The following STIM1 variants were observed in gnomAD, a reference collection of about 807,000 sequenced individuals.
The protein encoded by STIM1 is stromal interaction molecule 1.
A neutral mutation model predicts 74.7 loss-of-function variants in STIM1; 25 were observed. That is an observed-to-expected ratio of 0.33 (90% CI 0.24 to 0.47). STIM1 has a LOEUF of 0.47. Ranked by LOEUF, STIM1 falls within the 20% of genes least tolerant of loss-of-function variation. STIM1 has a pLI of 1.00. For synonymous variants in STIM1, 328 were observed against 348.8 expected (o/e 0.94, Z 0.66); for missense variants, 728 against 920.8 (o/e 0.79, Z 2.71).
rs376605901 is a variant in STIM1, at chr11:4,051,473, G to T, written c.386-4053G>T. On this transcript the variant is annotated intron_variant, in intron 3 of 12. Coordinates refer to ENST00000526596, the MANE Select transcript of STIM1 (RefSeq NM_001382567.1). ...TTTTCCTGCCTCAGCCTCCCGAGTA[G>T]CTGGGACTACAGGCATGCACCACCA... is the stretch of plus-strand genomic sequence containing the variant. Among the ~76,000 whole-genome samples, 4 of 151,796 alleles carry T rather than the reference G, an allele frequency of 2.6e-5. No homozygotes were observed. The East Asian group carries it at 5.8e-4, about 22-fold the overall frequency.
intron 3 of STIM1, among the ~76,000 whole-genome samples, chr11:4,040,092 A>G (rs2094136869): frequency 6.6e-6 from 1 of 151,906 alleles, no homozygotes; most frequent in South Asian, 2.1e-4. Flanking sequence ...ATATCTTGAG[A>G]GTTTATTTAT....
upstream of STIM1, chr11:3,855,520 G>A (rs1239310315): frequency 6.6e-6 from 1 of 151,870 alleles, no homozygotes; most frequent in Non-Finnish European, 1.5e-5. Flanking sequence ...GGATTCCGGG[G>A]AGCCGTCTTC....
intron 3 of STIM1, among the ~76,000 whole-genome samples, chr11:4,045,080 G>C (rs2094179754): frequency 1.3e-5 from 2 of 152,126 alleles, no homozygotes; most frequent in African/African-American, 2.4e-5. Flanking sequence ...TGATAGAGGA[G>C]TTTCTGCATG....
At chr11:3,892,355 TG>T in intron 1 of STIM1, 1 of 1,200,010 alleles carries the variant, frequency 8.3e-7, no homozygotes, top group Non-Finnish European at 1.2e-6. Context: ...ACAGAAGGAA[TG>T]GTCTGGTGGC....
chr11:3,993,215 T>C (rs2093631813), intron 2 of STIM1, among the ~76,000 whole-genome samples: 1 of 152,098 alleles, frequency 6.6e-6, no homozygotes, highest in African/African-American at 2.4e-5. Context: ...TGACTTATAT[T>C]CCCCTTGTCA....
At chr11:3,937,936 C>CTTT (rs879661667) in intron 1 of STIM1, among the ~76,000 whole-genome samples, 1 of 138,828 alleles carries the variant, frequency 7.2e-6, no homozygotes. Context: ...TAGAGAAATT[C>CTTT]TTTTTTTTTT....
rs192056894 is a variant in STIM1 at position 3,857,185 on chromosome 11, A to G, written c.139+776A>G. 2.3e-5 allele frequency among the ~76,000 whole-genome samples: 3 copies of G among 132,498 alleles called. No individual in the cohort carries two copies. The East Asian group carries it at 7.1e-4, about 31-fold the overall frequency. 86.9% of individuals were successfully genotyped at this position (132,498 alleles called of 152,430 possible). A position where few individuals can be genotyped will look rare whatever the true frequency, so the allele number is the denominator to read the frequency against. Reference sequence around the variant, plus strand: ...TGATCTGTCATGGTTTTTCCTATGCAGTTGTGAAGGCTTATCAGGCAGCAG... The same window carrying G: ...TGATCTGTCATGGTTTTTCCTATGCGGTTGTGAAGGCTTATCAGGCAGCAG... On this transcript the variant is annotated intron_variant, in intron 1 of 12. Coordinates refer to ENST00000526596, the MANE Select transcript of STIM1 (RefSeq NM_001382567.1).
At chr11:3,955,863 G>A (rs952244330) in intron 1 of STIM1, among the ~76,000 whole-genome samples, 18 of 151,486 alleles carry the variant, frequency 1.2e-4, no homozygotes, top group African/African-American at 4.4e-4. Flanking sequence ...GTGTAAAGAA[G>A]GATCATAAAA....
At chr11:3,968,358 TTGGTGAAGCTACCAAGTTA>T (rs1430990321) in intron 2 of STIM1, among the ~76,000 whole-genome samples, 2 of 152,222 alleles carry the variant, frequency 1.3e-5, no homozygotes, top group African/African-American at 2.4e-5. Context: ...TACCAGTAGT[TTGGTGAAGCTACCAAGTTA>T]TGCCAAATCT....
At chr11:4,081,625 A>G (rs1304590879) in intron 7 of STIM1, among the ~76,000 whole-genome samples, 1 of 152,342 alleles carries the variant, frequency 6.6e-6, no homozygotes, top group East Asian at 1.9e-4. Flanking sequence ...CAGGGAACTC[A>G]TTCTCTCCTG....
intron 1 of STIM1, among the ~76,000 whole-genome samples, chr11:3,933,163 G>T (rs1179447349): frequency 6.6e-6 from 1 of 152,156 alleles, no homozygotes; most frequent in Non-Finnish European, 1.5e-5. Flanking sequence ...AGTCTTAGCG[G>T]CTGGCTATCT....
At chr11:3,967,805 A>T in intron 2 of STIM1, 123 bp downstream of exon 2, 7 of 1,417,524 alleles carry the variant, frequency 4.9e-6, no homozygotes, top group Middle Eastern at 1.9e-4. Context: ...TTAGGAACTC[A>T]TCCCTATCAG....
chr11:4,091,967 ATTAT>A lies in STIM1; in HGVS notation c.*175_*178del, dbSNP rs1357458370. 6 of 919,250 alleles carry A rather than the reference ATTAT, an allele frequency of 6.5e-6. No individual in the cohort carries two copies. The African/African-American group carries it at 6.6e-5, about 10-fold the overall frequency. 56.9% of individuals were successfully genotyped at this position (919,250 alleles called of 1,614,324 possible). On this transcript the variant is annotated 3_prime_UTR_variant, in exon 13 of 13. Coordinates refer to ENST00000526596, the MANE Select transcript of STIM1 (RefSeq NM_001382567.1). The stretch of plus-strand genomic sequence containing the variant: ...CCCCCTCATCCTTGGGTCCTTCATT[ATTAT>A]TTATTAACTGACCACCATGGCCTGC...
chr11:4,049,715 A>AACACACACACACACACACACAC (rs748609546), intron 3 of STIM1: 2 of 101,416 alleles, frequency 2.0e-5, no homozygotes, highest in Non-Finnish European at 4.2e-5. Context: ...CCCCTGCCCA[A>AACACACACACACACACACACAC]ACACACACAC....
Position 4,087,912 on chromosome 11 carries a change from G to A in STIM1, c.1634+1369G>A, listed in dbSNP as rs531212156. ...ACATAGGTTTTGGGGTTTTGGACAA[G>A]AAGAGTTTATAGGTGGGGCAGGAAT... On this transcript the variant is annotated intron_variant, in intron 12 of 12. Coordinates refer to ENST00000526596, the MANE Select transcript of STIM1 (RefSeq NM_001382567.1). Among the ~76,000 whole-genome samples, 105 of 151,564 alleles carry A rather than the reference G, an allele frequency of 6.9e-4. 1 individual carries two copies. Among genetic ancestry groups the A allele is most frequent in the African/African-American group, 2.5e-3 (103 of 41,270 alleles).
chr11:3,862,333 A>G (rs7928229), intron 1 of STIM1, among the ~76,000 whole-genome samples: 4,940 of 152,178 alleles, frequency 0.032, 247 homozygotes, highest in African/African-American at 0.11. Flanking sequence ...GTTGTGAAGA[A>G]TGAAACAGGG....
intron 1 of STIM1, among the ~76,000 whole-genome samples, chr11:3,960,944 A>G (rs774658760): frequency 5.9e-5 from 9 of 152,194 alleles, no homozygotes; most frequent in Non-Finnish European, 1.0e-4. Flanking sequence ...TTGTTCTAAA[A>G]TAAATTAAAG....
intron 2 of STIM1, among the ~76,000 whole-genome samples, chr11:4,022,450 C>CTTCCT (rs1292189609): frequency 2.0e-5 from 3 of 151,578 alleles, no homozygotes; most frequent in Admixed American, 6.6e-5. Flanking sequence ...CCTTCCTTCC[C>CTTCCT]TTCCTTTCCT....
intron 1 of STIM1, among the ~76,000 whole-genome samples, chr11:3,940,426 AAG>A (rs1565122381): frequency 6.6e-6 from 1 of 152,240 alleles, no homozygotes; most frequent in African/African-American, 2.4e-5. Context: ...GTATAGCAGA[AAG>A]AGTGTATGCT....
Sources: allele counts gnomAD v4.1 joint callset (sites outside exome capture counted in the v4.1 genomes callset), GRCh38; gene constraint gnomAD v4.1.1; transcripts MANE v1.5; gene names NCBI Gene and HGNC (gene_info 2026-07-23, HGNC 2026-07-21).